ASB3: variants seen among roughly 807,000 people sequenced by gnomAD.
The protein encoded by ASB3 is ankyrin repeat and SOCS box containing 3.
A neutral mutation model predicts 54.5 loss-of-function variants in ASB3; 41 were observed. That is an observed-to-expected ratio of 0.75 (90% CI 0.59 to 0.98). ASB3 has a LOEUF of 0.98. Ranked by LOEUF, ASB3 falls within the 50% of genes least tolerant of loss-of-function variation. The probability of loss-of-function intolerance (pLI) is 0.00; values close to 1 mark genes in which losing one functional copy is unlikely to be tolerated. For synonymous variants in ASB3, 266 were observed against 221.2 expected, an observed-to-expected ratio of 1.20 and a Z score of -1.80; for missense variants, 733 against 620.0, an observed-to-expected ratio of 1.18 and a Z score of -1.94.
Position 53,675,159 on chromosome 2 carries a change from C to A in ASB3, c.1370-4469G>T, listed in dbSNP as rs558722553. ...GCTGTTGATGATGTTCAAGTTGGAA[C>A]ACATTTGCAAAAGCATTTCATAAAG... On this transcript the variant is annotated intron_variant, in intron 9 of 9. Transcript: ENST00000263634. Among the ~76,000 whole-genome samples, 38 of 152,290 alleles carry A rather than the reference C, an allele frequency of 2.5e-4. 1 individual carries two copies. In the South Asian group the frequency reaches 3.1e-3, roughly 12 times the overall value.
At chr2:53,720,193 A>G (rs1285791381) in intron 5 of ASB3, among the ~76,000 whole-genome samples, 1 of 151,436 alleles carries the variant, frequency 6.6e-6, no homozygotes, top group Admixed American at 6.6e-5. Context: ...ACCTGGACAT[A>G]CTCTCCCCAC....
chr2:53,780,017 A>G (rs537471830), intron 1 of ASB3, among the ~76,000 whole-genome samples: 1 of 152,340 alleles, frequency 6.6e-6, no homozygotes, highest in Non-Finnish European at 1.5e-5. Flanking sequence ...ATTCTCAACT[A>G]AAGAGCCTTA....
intron 5 of ASB3, among the ~76,000 whole-genome samples, chr2:53,722,793 C>T (rs1239645061): frequency 1.3e-5 from 2 of 152,080 alleles, no homozygotes; most frequent in African/African-American, 4.8e-5. Context: ...ACAAGGATAC[C>T]CACTCTTACC....
intron 9 of ASB3, among the ~76,000 whole-genome samples, chr2:53,683,483 A>C (rs1191857761): frequency 1.3e-5 from 2 of 151,828 alleles, no homozygotes; most frequent in Non-Finnish European, 2.9e-5. Flanking sequence ...TCAGGGTAAT[A>C]CTGGCCTCAT....
chr2:53,773,620 G>A (rs904437070), intron 1 of ASB3, among the ~76,000 whole-genome samples: 3 of 151,788 alleles, frequency 2.0e-5, no homozygotes, highest in Admixed American at 1.3e-4. Context: ...TAGTAAAGAC[G>A]GGGTTTCACC....
In ASB3 at chr2:53,767,711, C is replaced by CT. The variant is rs1673569185; in HGVS notation, c.-13-2127dup. 4 of 706,380 alleles carry CT rather than the reference C, an allele frequency of 5.7e-6. No homozygotes were observed. The Admixed American group carries it at 1.2e-4, about 21-fold the overall frequency. The allele number at this position is 706,380 out of a possible 1,614,324, so 43.8% of individuals were successfully genotyped here. A position where few individuals can be genotyped will look rare whatever the true frequency, so the allele number is the denominator to read the frequency against. ...AATCAAGGAAATAAAATAAAGCTGA[C>CT]TGAGATCCGCTCGGAAAATCTTTCT... On this transcript the variant is annotated intron_variant, in intron 1 of 9. Coordinates refer to ENST00000263634, the MANE Select transcript of ASB3 (RefSeq NM_016115.5).
intron 9 of ASB3, among the ~76,000 whole-genome samples, chr2:53,678,608 T>C (rs891698615): frequency 6.6e-6 from 1 of 152,186 alleles, no homozygotes; most frequent in Non-Finnish European, 1.5e-5. Context: ...GTCAACCCCA[T>C]GCACCCGACT....
intron 1 of ASB3, chr2:53,767,944 A>G: frequency 6.2e-7 from 1 of 1,614,098 alleles, no homozygotes; most frequent in Non-Finnish European, 8.5e-7. Flanking sequence ...CTATCAGGAC[A>G]AGCTGGTCGG....
chr2:53,734,184 G>C (rs1007467442), intron 3 of ASB3, among the ~76,000 whole-genome samples: 6 of 152,086 alleles, frequency 3.9e-5, no homozygotes, highest in East Asian at 1.9e-4. Context: ...GCCAGTTTTC[G>C]GGCCAGTTTA....
intron 7 of ASB3, among the ~76,000 whole-genome samples, chr2:53,707,779 T>C (rs1669868131): frequency 6.6e-6 from 1 of 151,756 alleles, no homozygotes; most frequent in African/African-American, 2.4e-5. Flanking sequence ...TTGGCCAACA[T>C]GGTGAAACCC....
At chr2:53,739,778 C>G (rs771426295) in intron 3 of ASB3, among the ~76,000 whole-genome samples, 8 of 152,146 alleles carry the variant, frequency 5.3e-5, no homozygotes, top group Non-Finnish European at 8.8e-5. Context: ...TGGGCTCAAG[C>G]GATGCTCCCA....
chr2:53,722,282 T>C, intron 5 of ASB3, among the ~76,000 whole-genome samples: 1 of 151,926 alleles, frequency 6.6e-6, no homozygotes, highest in East Asian at 1.9e-4. Flanking sequence ...ACTGAAACCA[T>C]TCCCAAAAAT....
intron 1 of ASB3, among the ~76,000 whole-genome samples, chr2:53,785,871 G>C (rs997259356): frequency 6.6e-6 from 1 of 152,176 alleles, no homozygotes; most frequent in African/African-American, 2.4e-5. Flanking sequence ...AAAATCCCAG[G>C]AGTCTGGATC....
chr2:53,706,551 T>C (rs775661579), intron 7 of ASB3, among the ~76,000 whole-genome samples: 9 of 152,216 alleles, frequency 5.9e-5, no homozygotes, highest in South Asian at 2.1e-4. Flanking sequence ...GTTCACGCCA[T>C]TCTACCGCTT....
At chr2:53,747,941 T>C (rs564421902) in intron 3 of ASB3, among the ~76,000 whole-genome samples, 41 of 152,346 alleles carry the variant, frequency 2.7e-4, no homozygotes, top group Admixed American at 1.2e-3. Flanking sequence ...GGAAACCTTT[T>C]GTCAATAAAC....
At chr2:53,765,227 T>C (rs1343834102) in intron 2 of ASB3, 150 bp downstream of exon 2, 2 of 1,167,598 alleles carry the variant, frequency 1.7e-6, no homozygotes, top group African/African-American at 1.6e-5. Context: ...GCAGGCAATC[T>C]TACTATCCTT....
intron 3 of ASB3, among the ~76,000 whole-genome samples, chr2:53,740,636 T>TGCA (rs1225880755): frequency 6.6e-6 from 1 of 152,216 alleles, no homozygotes; most frequent in Non-Finnish European, 1.5e-5. Flanking sequence ...ATCTTAAAGA[T>TGCA]GCATACTGAT....
rs761705587 is a variant in ASB3, at chr2:53,774,108, A to G, written c.-13-8523T>C. ...TTCTTCACCTATTTTAATTAGCCTT[A>G]TAATACCAGTGTATTCTTTTCATTT... On this transcript the variant is annotated intron_variant, in intron 1 of 9. Coordinates refer to ENST00000263634, the MANE Select transcript of ASB3 (RefSeq NM_016115.5). The G allele has an allele frequency of 5.2e-6, 8 of 1,547,882 alleles. No individual in the cohort carries two copies. The South Asian group carries it at 7.7e-5, about 15-fold the overall frequency.
chr2:53,779,014 G>GGGAA (rs1190773059), intron 1 of ASB3, among the ~76,000 whole-genome samples: 1 of 152,140 alleles, frequency 6.6e-6, no homozygotes, highest in African/African-American at 2.4e-5. Context: ...AGTGTACAGA[G>GGGAA]GTTCCCCTTT....
Sources: gnomAD v4.1 joint callset for allele counts (sites outside exome capture counted in the v4.1 genomes callset) on GRCh38, gnomAD v4.1.1 for gene constraint, MANE v1.5 for transcripts, NCBI Gene and HGNC (gene_info 2026-07-23, HGNC 2026-07-21) for gene names.